PTPRD: variants seen among roughly 807,000 people sequenced by gnomAD.
PTPRD encodes the protein protein tyrosine phosphatase receptor type D, also known as receptor-type tyrosine-protein phosphatase delta.
Under a neutral mutation model 214.5 loss-of-function variants are expected in PTPRD, and 34 were observed. The ratio of observed to expected loss-of-function variants is 0.16; its 90% CI spans 0.12 to 0.21. The LOEUF (loss-of-function observed/expected upper bound fraction) is 0.21. Ranked by LOEUF, PTPRD falls within the 10% of genes least tolerant of loss-of-function variation. PTPRD has a pLI of 1.00. For missense variants in PTPRD, 2,545 were observed against 2,398.7 expected, an observed-to-expected ratio of 1.06 and a Z score of -1.27; for synonymous variants, 1,128 against 845.7, an observed-to-expected ratio of 1.33 and a Z score of -5.79.
rs2154327965 is a variant in PTPRD at position 8,636,729 on chromosome 9, T to C, written c.180A>G (p.Lys60=). The C allele has an allele frequency of 6.2e-7, 1 of 1,614,016 alleles. No homozygotes were observed. The highest frequency in any genetic ancestry group is 8.5e-7 in the Non-Finnish European group (1 of 1,179,910). The change falls in exon 13 of 46, where the codon AAA becomes AAG. Residue 60 remains lysine, a synonymous_variant. Coordinates refer to ENST00000381196, the MANE Select transcript of PTPRD (RefSeq NM_002839.4). ...DPRPKIVWNK[K]GKKVSNQRFE... ...ATCTCTGATTGCTGACTTTCTTTCCTTTTTTGTTCCAGACAATTTTAGGTC... is the reference window on the plus strand; with the variant it reads ...ATCTCTGATTGCTGACTTTCTTTCCCTTTTTGTTCCAGACAATTTTAGGTC...
intron 3 of PTPRD, among the ~76,000 whole-genome samples, chr9:10,096,303 G>T (rs182210124): frequency 7.9e-5 from 12 of 151,798 alleles, no homozygotes; most frequent in African/African-American, 2.2e-4. Flanking sequence ...AACAACCAAA[G>T]TGGTGTGAAA....
intron 34 of PTPRD, among the ~76,000 whole-genome samples, chr9:8,445,116 GAATT>G (rs1404356601): frequency 1.3e-5 from 2 of 152,004 alleles, no homozygotes; most frequent in Non-Finnish European, 2.9e-5. Context: ...CTATCTGTTA[GAATT>G]AATAAGTCAA....
chr9:8,338,865 G>GAGAGAGAGAGAGAA, intron 43 of PTPRD, 57 bp downstream of exon 43: 3 of 1,505,920 alleles, frequency 2.0e-6, no homozygotes, highest in South Asian at 2.6e-5. Flanking sequence ...GAGAGAGAGA[G>GAGAGAGAGAGAGAA]GTATCTTAGA....
chr9:9,912,738 C>T (rs1258846330), intron 5 of PTPRD, among the ~76,000 whole-genome samples: 1 of 152,074 alleles, frequency 6.6e-6, no homozygotes, highest in African/African-American at 2.4e-5. Flanking sequence ...AGCCAATAAC[C>T]CAAGTTGAGA....
intron 3 of PTPRD, among the ~76,000 whole-genome samples, chr9:10,244,922 C>T (rs1426435281): frequency 6.6e-6 from 1 of 152,098 alleles, no homozygotes; most frequent in African/African-American, 2.4e-5. Flanking sequence ...GAGCTTATTA[C>T]ACAATTTATT....
chr9:10,325,317 A>G (rs941608537), intron 3 of PTPRD, among the ~76,000 whole-genome samples: 1 of 151,974 alleles, frequency 6.6e-6, no homozygotes, highest in Non-Finnish European at 1.5e-5. Context: ...GGCAATTTTA[A>G]AAACGTTTTA....
chr9:9,416,908 T>A (rs898751492), intron 8 of PTPRD, among the ~76,000 whole-genome samples: 3 of 150,598 alleles, frequency 2.0e-5, no homozygotes, highest in Admixed American at 2.0e-4. Context: ...AAAATATTTG[T>A]TTTTTTCCCT....
At chr9:10,544,561 G>C (rs2059808691) in intron 2 of PTPRD, among the ~76,000 whole-genome samples, 1 of 152,072 alleles carries the variant, frequency 6.6e-6, no homozygotes, top group African/African-American at 2.4e-5. Context: ...CTGAAGAAAA[G>C]AGAATTATCA....
chr9:9,657,924 C>T (rs1407253067), intron 7 of PTPRD, among the ~76,000 whole-genome samples: 1 of 152,130 alleles, frequency 6.6e-6, no homozygotes, highest in Non-Finnish European at 1.5e-5. Flanking sequence ...GGATGGGTCC[C>T]AATGGCCCTT....
intron 3 of PTPRD, among the ~76,000 whole-genome samples, chr9:10,331,830 T>C (rs1418291054): frequency 6.6e-6 from 1 of 151,920 alleles, no homozygotes; most frequent in Non-Finnish European, 1.5e-5. Flanking sequence ...ATGATCACTT[T>C]CAGTTGGCAT....
intron 2 of PTPRD, among the ~76,000 whole-genome samples, chr9:10,480,372 G>C (rs1241226569): frequency 5.9e-5 from 9 of 152,070 alleles, no homozygotes; most frequent in Admixed American, 5.9e-4. Context: ...GATTATAAGG[G>C]GAATGAAGCA....
At chr9:8,755,018 C>G (rs1248089379) in intron 11 of PTPRD, among the ~76,000 whole-genome samples, 2 of 152,218 alleles carry the variant, frequency 1.3e-5, no homozygotes, top group South Asian at 2.1e-4. Flanking sequence ...CCACTCCACA[C>G]TCACCAGAAT....
At chr9:10,593,966 C>T (rs2076081617) in intron 2 of PTPRD, among the ~76,000 whole-genome samples, 1 of 151,916 alleles carries the variant, frequency 6.6e-6, no homozygotes, top group African/African-American at 2.4e-5. Context: ...GTCTTAAAAA[C>T]ATTTATTCAG....
chr9:10,455,199 T>C (rs1470864169), intron 2 of PTPRD, among the ~76,000 whole-genome samples: 1 of 151,768 alleles, frequency 6.6e-6, no homozygotes. Flanking sequence ...GGAGCCTCTG[T>C]AGCACTGCTG....
intron 2 of PTPRD, among the ~76,000 whole-genome samples, chr9:10,547,250 A>T (rs773184192): frequency 6.6e-6 from 1 of 152,226 alleles, no homozygotes; most frequent in East Asian, 1.9e-4. Flanking sequence ...CAATTTTACA[A>T]ATTATTCTAA....
At chr9:9,826,497 G>A (rs573711766) in intron 5 of PTPRD, among the ~76,000 whole-genome samples, 2 of 151,980 alleles carry the variant, frequency 1.3e-5, no homozygotes, top group East Asian at 3.9e-4. Flanking sequence ...AGCTAATCCA[G>A]AGACAGTACC....
intron 5 of PTPRD, among the ~76,000 whole-genome samples, chr9:9,932,407 G>A (rs1360533498): frequency 3.4e-5 from 5 of 146,890 alleles, no homozygotes; most frequent in Non-Finnish European, 7.5e-5. Context: ...TGAAAACCAA[G>A]GCTCCAGAAC....
intron 11 of PTPRD, among the ~76,000 whole-genome samples, chr9:8,856,598 C>G (rs1006226754): frequency 6.6e-6 from 1 of 152,080 alleles, no homozygotes; most frequent in African/African-American, 2.4e-5. Context: ...AGGAATCTTC[C>G]TAGATACTTA....
At chr9:10,509,710 G>C (rs1026416016) in intron 2 of PTPRD, among the ~76,000 whole-genome samples, 4 of 150,926 alleles carry the variant, frequency 2.7e-5, no homozygotes, top group African/African-American at 9.8e-5. Context: ...AGGAGCCCTG[G>C]TTCCATGATA....
Sources: gnomAD v4.1 joint callset for allele counts (sites outside exome capture counted in the v4.1 genomes callset) on GRCh38, gnomAD v4.1.1 for gene constraint, MANE v1.5 for transcripts, NCBI Gene and HGNC (gene_info 2026-07-23, HGNC 2026-07-21) for gene names.